TMTC1: variants seen among roughly 807,000 people sequenced by gnomAD.
TMTC1 encodes the protein protein O-mannosyl-transferase TMTC1.
Under a neutral mutation model 104.8 loss-of-function variants are expected in TMTC1, and 73 were observed. The ratio of observed to expected loss-of-function variants is 0.70; its 90% CI spans 0.58 to 0.85. The LOEUF is 0.85. Among genes scored for constraint, TMTC1 ranks in the 40% least tolerant of loss-of-function variants. The pLI is 0.00. For missense variants in TMTC1, 1,035 were observed against 1,096.1 expected (o/e 0.94, Z 0.79); for synonymous variants, 434 against 428.7 (o/e 1.01, Z -0.15).
chr12:29,587,257 T>C (rs1946162673), intron 7 of TMTC1, among the ~76,000 whole-genome samples: 1 of 152,220 alleles, frequency 6.6e-6, no homozygotes, highest in Admixed American at 6.5e-5. Flanking sequence ...TGGTAGTTTG[T>C]ATTTCTGTGA....
At chr12:29,654,863 A>G (rs1591871308) in intron 5 of TMTC1, among the ~76,000 whole-genome samples, 1 of 152,058 alleles carries the variant, frequency 6.6e-6, no homozygotes, top group Non-Finnish European at 1.5e-5. Flanking sequence ...ACAGAATACC[A>G]CCTATTATAT....
At chr12:29,561,057 A>G (rs1308510196) in intron 9 of TMTC1, among the ~76,000 whole-genome samples, 1 of 152,148 alleles carries the variant, frequency 6.6e-6, no homozygotes, top group Admixed American at 6.5e-5. Context: ...AAACTGGGAG[A>G]AATTAAGTAA....
chr12:29,729,953 C>G (rs1942501941), intron 5 of TMTC1, among the ~76,000 whole-genome samples: 1 of 152,148 alleles, frequency 6.6e-6, no homozygotes, highest in African/African-American at 2.4e-5. Context: ...CTCATTAAAA[C>G]TTTTCCTCAA....
intron 5 of TMTC1, among the ~76,000 whole-genome samples, chr12:29,668,055 T>TC (rs1940351108): frequency 6.6e-6 from 1 of 152,228 alleles, no homozygotes; most frequent in Admixed American, 6.5e-5. Context: ...TAGAGCTGGT[T>TC]TATTCAGCAT....
intron 6 of TMTC1, among the ~76,000 whole-genome samples, chr12:29,625,981 G>T (rs1937969301): frequency 6.6e-6 from 1 of 152,194 alleles, no homozygotes; most frequent in Non-Finnish European, 1.5e-5. Flanking sequence ...TCATGCGGCT[G>T]TTGAGCACAG....
chr12:29,517,686 C>T, intron 13 of TMTC1, 115 bp from the exon 14 acceptor site: 1 of 1,207,436 alleles, frequency 8.3e-7, no homozygotes, highest in Non-Finnish European at 1.2e-6. Flanking sequence ...CCAATACGGT[C>T]TTTGTTTTTA....
downstream of TMTC1, chr12:29,500,835 C>T (rs886751121): frequency 1.3e-5 from 2 of 152,590 alleles, no homozygotes; most frequent in Non-Finnish European, 2.9e-5. Context: ...TGAAACCAGA[C>T]ATACTTATTT....
At chr12:29,676,638 C>T (rs1940735811) in intron 5 of TMTC1, among the ~76,000 whole-genome samples, 1 of 152,204 alleles carries the variant, frequency 6.6e-6, no homozygotes, top group Non-Finnish European at 1.5e-5. Flanking sequence ...AAGGTCACCT[C>T]CAGGAGCGAT....
At position 29,653,366 on chromosome 12, in the gene TMTC1, A is replaced by G. The variant is rs945563023; in HGVS notation, c.939-20030T>C. ...TGCATGAATTCCGGCGAATAATAAGAGCAGTCACAGCACGAGGGGACTACT... is the reference window on the plus strand; with the variant it reads ...TGCATGAATTCCGGCGAATAATAAGGGCAGTCACAGCACGAGGGGACTACT... On this transcript the variant is annotated intron_variant, in intron 5 of 17. Coordinates refer to ENST00000539277, the MANE Select transcript of TMTC1 (RefSeq NM_001193451.2). 2.0e-5 allele frequency among the ~76,000 whole-genome samples: 3 copies of G among 152,158 alleles called. No homozygotes were observed. The South Asian group carries it at 6.2e-4, about 32-fold the overall frequency.
At chr12:29,644,149 GTATA>G (rs149004557) in intron 5 of TMTC1, among the ~76,000 whole-genome samples, 681 of 49,368 alleles carry the variant, frequency 0.014, 34 homozygotes, top group African/African-American at 0.042. Context: ...GTGTGTGTGT[GTATA>G]TATATATATA....
intron 6 of TMTC1, among the ~76,000 whole-genome samples, chr12:29,625,572 C>T (rs943953776): frequency 1.3e-5 from 2 of 152,208 alleles, no homozygotes; most frequent in East Asian, 3.8e-4. Context: ...TCTTAACTAT[C>T]CCCACAGCTG....
intron 5 of TMTC1, among the ~76,000 whole-genome samples, chr12:29,664,161 T>C (rs1019367555): frequency 6.7e-6 from 1 of 149,432 alleles, no homozygotes; most frequent in Non-Finnish European, 1.5e-5. Context: ...CACTCCAGCC[T>C]GGGCGACAGA....
At chr12:29,623,618 G>A (rs1393261764) in intron 6 of TMTC1, among the ~76,000 whole-genome samples, 1 of 152,122 alleles carries the variant, frequency 6.6e-6, no homozygotes, top group African/African-American at 2.4e-5. Flanking sequence ...TTTGAGACAA[G>A]CCTGGCCAAC....
intron 5 of TMTC1, among the ~76,000 whole-genome samples, chr12:29,732,229 G>A (rs887463372): frequency 6.6e-6 from 1 of 152,158 alleles, no homozygotes; most frequent in African/African-American, 2.4e-5. Context: ...GACTAGACTG[G>A]TGCTCAGGAA....
intron 5 of TMTC1, among the ~76,000 whole-genome samples, chr12:29,668,329 C>G (rs1242225067): frequency 6.6e-6 from 1 of 152,174 alleles, no homozygotes; most frequent in Non-Finnish European, 1.5e-5. Flanking sequence ...TCTCTGAAGC[C>G]TCTTTTACAA....
At chr12:29,584,524 G>T (rs10771552) in intron 7 of TMTC1, among the ~76,000 whole-genome samples, 60,160 of 151,430 alleles carry the variant, frequency 0.4, 12,640 homozygotes, top group African/African-American at 0.53. Context: ...CATGTGTCAC[G>T]TTGGTGTGCT....
chr12:29,512,638 G>C (rs1268241640), intron 16 of TMTC1, among the ~76,000 whole-genome samples: 1 of 152,152 alleles, frequency 6.6e-6, no homozygotes, highest in Non-Finnish European at 1.5e-5. Flanking sequence ...CTAGGGGATA[G>C]TTTTATTCAT....
chr12:29,742,123 C>A (rs1942843020), intron 5 of TMTC1, among the ~76,000 whole-genome samples: 1 of 152,086 alleles, frequency 6.6e-6, no homozygotes, highest in South Asian at 2.1e-4. Flanking sequence ...ACTTTACTGT[C>A]AGGAACCAGA....
At chr12:29,518,417 T>A (rs866334032) in intron 13 of TMTC1, 55 bp downstream of exon 13, 3 of 1,585,492 alleles carry the variant, frequency 1.9e-6, no homozygotes, top group Non-Finnish European at 2.6e-6. Flanking sequence ...AAGAAGCTGA[T>A]GAGTGATTGC....
Sources: allele counts gnomAD v4.1 joint callset (sites outside exome capture counted in the v4.1 genomes callset), GRCh38; gene constraint gnomAD v4.1.1; transcripts MANE v1.5; gene names NCBI Gene and HGNC (gene_info 2026-07-23, HGNC 2026-07-21).